The following PGR variants were observed in gnomAD, a reference collection of about 807,000 sequenced individuals.
PGR encodes nuclear receptor subfamily 3 group C member 3.
PGR carries 25 observed loss-of-function variants against 76.1 expected under a neutral mutation model. The observed-to-expected ratio is 0.33, with a 90% CI of 0.24 to 0.46. PGR has a LOEUF of 0.46. PGR is among the 20% of genes least tolerant of loss of function. The pLI, the probability that PGR is intolerant of heterozygous loss-of-function variation, is 1.00. For synonymous variants in PGR, 579 were observed against 535.0 expected, an observed-to-expected ratio of 1.08 and a Z score of -1.14; for missense variants, 1,172 against 1,225.3, an observed-to-expected ratio of 0.96 and a Z score of 0.65.
intron 6 of PGR, among the ~76,000 whole-genome samples, chr11:101,044,700 C>CTTTTT (rs34361620): frequency 4.0e-5 from 3 of 75,880 alleles, no homozygotes; most frequent in Non-Finnish European, 5.0e-5. Flanking sequence ...GGCCTAATTG[C>CTTTTT]TTTTTTTTTT....
intron 2 of PGR, among the ~76,000 whole-genome samples, chr11:101,114,153 C>T (rs182862596): frequency 1.1e-4 from 16 of 152,296 alleles, no homozygotes; most frequent in Middle Eastern, 3.4e-3. Flanking sequence ...TCCTTCCATA[C>T]CCCGCATTTA....
intron 2 of PGR, among the ~76,000 whole-genome samples, chr11:101,117,294 T>C (rs1862540807): frequency 1.3e-5 from 2 of 152,190 alleles, no homozygotes; most frequent in African/African-American, 4.8e-5. Flanking sequence ...CATACTTCTG[T>C]GGGCTGTACT....
intron 3 of PGR, among the ~76,000 whole-genome samples, chr11:101,084,430 G>C (rs980676232): frequency 1.3e-5 from 2 of 152,092 alleles, no homozygotes; most frequent in Admixed American, 1.3e-4. Flanking sequence ...GGCTGAGGCG[G>C]GTGGATCACC....
intron 4 of PGR, among the ~76,000 whole-genome samples, chr11:101,055,747 A>T (rs1417303021): frequency 6.6e-6 from 1 of 152,142 alleles, no homozygotes; most frequent in African/African-American, 2.4e-5. Context: ...ACATGTTTAC[A>T]TTCACTTTAT....
At chr11:101,066,158 A>G (rs968726164) in intron 3 of PGR, among the ~76,000 whole-genome samples, 1 of 152,018 alleles carries the variant, frequency 6.6e-6, no homozygotes. Flanking sequence ...CTCTCCTCCA[A>G]TTCTCCCTTG....
rs569021587 is a variant in PGR, at chr11:101,042,179, C to CTA, written c.2489-79_2489-78dup. 1,557 of 1,453,242 alleles carry CTA rather than the reference C, an allele frequency of 1.1e-3. 1 individual carries two copies. The highest frequency in any genetic ancestry group is 3.2e-3 in the Middle Eastern group (18 of 5,640). The allele number at this position is 1,453,242 out of a possible 1,614,324, so 90.0% of individuals were successfully genotyped here. ...ACAATTTATAACATATATTTCTGAG[C>CTA]TATATAATGATTTCTTCTGATACAT... On this transcript the variant is annotated intron_variant, in intron 6 of 7. Coordinates refer to ENST00000325455, the MANE Select transcript of PGR (RefSeq NM_000926.4).
chr11:101,045,313 A>T (rs542644438), intron 6 of PGR, among the ~76,000 whole-genome samples: 1 of 152,250 alleles, frequency 6.6e-6, no homozygotes, highest in African/African-American at 2.4e-5. Context: ...ACCTCTTTTT[A>T]TTAAATTTGT....
chr11:101,102,842 C>G (rs984531157), intron 2 of PGR, among the ~76,000 whole-genome samples: 1 of 33,072 alleles, frequency 3.0e-5, no homozygotes. Flanking sequence ...GAATTTTCCA[C>G]GGACTGGGGG....
intron 3 of PGR, among the ~76,000 whole-genome samples, chr11:101,075,433 C>G (rs1207281410): frequency 6.6e-6 from 1 of 152,000 alleles, no homozygotes; most frequent in Non-Finnish European, 1.5e-5. Flanking sequence ...GACTAAAACA[C>G]CAAAAGCAAT....
intron 3 of PGR, among the ~76,000 whole-genome samples, chr11:101,080,009 C>T (rs530947011): frequency 3.9e-5 from 6 of 152,280 alleles, no homozygotes; most frequent in South Asian, 2.1e-4. Flanking sequence ...GGTCTGTGTA[C>T]AACTCTGGGT....
Position 101,128,015 on chromosome 11 carries a change from C to T in PGR, c.1056G>A (p.Pro352=). Residue 352 remains proline (P), a synonymous_variant, in exon 1 of 8, where the codon CCG becomes CCA. Transcript: ENST00000325455. The part of the protein sequence containing the change: ...PRSSPCASST[P]VAVGDFPDCA... ...AGTCGGGGAAGTCGCCTACAGCGAC[C>T]GGGGTGGACGAGGCACAGGGTGAAC... The T allele has an allele frequency of 6.2e-7, 1 of 1,609,606 alleles. No individual in the cohort carries two copies. The highest frequency in any genetic ancestry group is 1.7e-4 in the Middle Eastern group (1 of 6,056).
intron 2 of PGR, among the ~76,000 whole-genome samples, chr11:101,111,134 A>G (rs1007158343): frequency 7.2e-5 from 11 of 152,212 alleles, no homozygotes; most frequent in African/African-American, 2.4e-4. Flanking sequence ...AACCTGCGAT[A>G]TCTCTAAGGT....
chr11:101,128,954 G>T lies in PGR; in HGVS notation c.117C>A (p.Ser39Arg). The T allele has an allele frequency of 6.2e-7, 1 of 1,608,686 alleles. No individual in the cohort carries two copies. The highest frequency in any genetic ancestry group is 8.5e-7 in the Non-Finnish European group (1 of 1,176,592). Residue 39 changes from serine to arginine, a missense_variant, in exon 1 of 8, where the codon AGC becomes AGA. Ser to Arg is a moderately radical substitution (Grantham distance 110). Coordinates refer to ENST00000325455, the MANE Select transcript of PGR (RefSeq NM_000926.4). Reference protein sequence around the residue: ...CRPAAGPFPGSQTSDTLPEVS... With the variant: ...CRPAAGPFPGRQTSDTLPEVS... ...CTTCAGGCAAGGTGTCCGAGGTCTG[G>T]CTCCCCGGGAACGGACCTGCGGCTG...
chr11:101,081,300 G>T (rs1032790971), intron 3 of PGR, among the ~76,000 whole-genome samples: 1 of 151,910 alleles, frequency 6.6e-6, no homozygotes, highest in African/African-American at 2.4e-5. Context: ...ACGGTGGCAG[G>T]CACCTGTAAT....
rs1470387906 is a variant in PGR at position 101,038,462 on chromosome 11, A to T, written c.*654T>A. On this transcript the variant is annotated 3_prime_UTR_variant, in exon 8 of 8. Transcript: ENST00000325455. ...AACCCACAATACTATTTGCATAATG[A>T]TATGAATCTACTTATTAACTTCCTA... 4.4e-6 allele frequency: 1 copy of T among 225,916 alleles called. No individual in the cohort carries two copies. Among genetic ancestry groups the T allele is most frequent in the Non-Finnish European group, 8.8e-6 (1 of 113,566 alleles). The allele number at this position is 225,916 out of a possible 1,614,324, so 14.0% of individuals were successfully genotyped here.
In PGR at chr11:101,127,454, C is replaced by T. The variant is rs778505545; in HGVS notation, c.1617G>A (p.Pro539=). 1.3e-6 allele frequency: 2 copies of T among 1,558,502 alleles called. No individual in the cohort carries two copies. Among genetic ancestry groups the T allele is most frequent in the Non-Finnish European group, 1.7e-6 (2 of 1,154,894 alleles). Residue 539 remains proline, a synonymous_variant, in exon 1 of 8, where the codon CCG becomes CCA. Transcript: ENST00000325455. ...CTCACCTCAGGTAGTTGAGATAGGGCGGGTAGACCTGCGGCAGGCCCTCCT... is the reference window on the plus strand; with the variant it reads ...CTCACCTCAGGTAGTTGAGATAGGGTGGGTAGACCTGCGGCAGGCCCTCCT... ...VLKEGLPQVY[P]PYLNYLRPDS...
intron 2 of PGR, among the ~76,000 whole-genome samples, chr11:101,107,069 G>A (rs1429157278): frequency 6.6e-6 from 1 of 152,076 alleles, no homozygotes; most frequent in Non-Finnish European, 1.5e-5. Context: ...TCAGGGGATG[G>A]GGGGCTAGGG....
intron 3 of PGR, among the ~76,000 whole-genome samples, chr11:101,070,485 C>T (rs1591387971): frequency 6.6e-6 from 1 of 152,158 alleles, no homozygotes; most frequent in Admixed American, 6.5e-5. Context: ...ACCATTCACT[C>T]CCCTGGAAGG....
In PGR at chr11:101,062,626, C is replaced by A. The variant is rs753578328; in HGVS notation, c.2033G>T (p.Gly678Val). Reference protein sequence around the residue: ...ALSQRFTFSPGQDIQLIPPLI... With the variant: ...ALSQRFTFSPVQDIQLIPPLI... ...TGGTGGAATCAACTGTATGTCTTGACCTGGTGAAAAAGTGAATCTCTGGCT... is the reference window on the plus strand; with the variant it reads ...TGGTGGAATCAACTGTATGTCTTGAACTGGTGAAAAAGTGAATCTCTGGCT... The change falls in exon 4 of 8, where the codon GGT (glycine) becomes GTT (valine). Residue 678 changes from glycine (G) to valine (V), a missense_variant. Gly to Val is a moderately radical substitution (Grantham distance 109). Coordinates refer to ENST00000325455, the MANE Select transcript of PGR (RefSeq NM_000926.4). 2 of 1,613,958 alleles carry A rather than the reference C, an allele frequency of 1.2e-6. No individual in the cohort carries two copies. Among genetic ancestry groups the A allele is most frequent in the Non-Finnish European group, 1.7e-6 (2 of 1,179,946 alleles).
Sources: gnomAD v4.1 joint callset for allele counts (sites outside exome capture counted in the v4.1 genomes callset) on GRCh38, gnomAD v4.1.1 for gene constraint, MANE v1.5 for transcripts, NCBI Gene and HGNC (gene_info 2026-07-23, HGNC 2026-07-21) for gene names.